The following VSNL1 variants were observed in gnomAD, a reference collection of about 807,000 sequenced individuals.
VSNL1 encodes the protein visinin-like protein 1.
A neutral mutation model predicts 20.4 loss-of-function variants in VSNL1; 6 were observed. The observed-to-expected ratio is 0.29, with a 90% CI of 0.16 to 0.58. VSNL1 has a LOEUF of 0.58. Ranked by LOEUF, VSNL1 falls within the 20% of genes least tolerant of loss-of-function variation. VSNL1 has a pLI of 0.90. For missense variants in VSNL1, 100 were observed against 234.5 expected (o/e 0.43, Z 3.75); for synonymous variants, 93 against 86.4 (o/e 1.08, Z -0.42).
In VSNL1 at chr2:17,655,106, G is replaced by A. The variant is rs1219279911; in HGVS notation, c.379-91G>A. On this transcript the variant is annotated intron_variant, in intron 3 of 3. Coordinates refer to ENST00000295156, the MANE Select transcript of VSNL1 (RefSeq NM_003385.5). The surrounding 1 kb of genome is among the most constrained non-coding windows in gnomAD (Gnocchi z 5.2). The stretch of plus-strand genomic sequence containing the variant: ...AGGGAAGCTGAGGCTTGGAGGATGG[G>A]TGGGATCCCGTCAGGTGAAAGGGAG... The A allele has an allele frequency of 3.0e-6, 4 of 1,326,300 alleles. No individual in the cohort carries two copies. Among genetic ancestry groups the A allele is most frequent in the Non-Finnish European group, 3.2e-6 (3 of 945,876 alleles). 82.2% of individuals were successfully genotyped at this position (1,326,300 alleles called of 1,614,324 possible).
intron 1 of VSNL1, among the ~76,000 whole-genome samples, chr2:17,542,687 T>C (rs555898334): frequency 6.6e-6 from 1 of 152,302 alleles, no homozygotes; most frequent in South Asian, 2.1e-4. Context: ...CTGTCATCAT[T>C]GAGCATTGGC....
At chr2:17,547,301 T>C (rs1285244268) in intron 1 of VSNL1, among the ~76,000 whole-genome samples, 1 of 152,108 alleles carries the variant, frequency 6.6e-6, no homozygotes, top group Non-Finnish European at 1.5e-5. Context: ...TAATGGCTTA[T>C]TATTGAAAAT....
intron 2 of VSNL1, among the ~76,000 whole-genome samples, chr2:17,636,284 A>C (rs1665745806): frequency 1.3e-5 from 2 of 151,936 alleles, no homozygotes; most frequent in Non-Finnish European, 2.9e-5. Context: ...CTCTGGCCAC[A>C]CTCACTGGCC....
At chr2:17,588,912 T>C (rs776324101) in intron 1 of VSNL1, among the ~76,000 whole-genome samples, 2 of 152,214 alleles carry the variant, frequency 1.3e-5, no homozygotes, top group Non-Finnish European at 2.9e-5. Flanking sequence ...CAAGAAATAT[T>C]ATTTGAGCAC....
intron 1 of VSNL1, among the ~76,000 whole-genome samples, chr2:17,570,789 G>A (rs1195989376): frequency 2.0e-5 from 3 of 152,188 alleles, no homozygotes; most frequent in Admixed American, 6.5e-5. Context: ...GCTCACACCT[G>A]TAATCCCAGC....
chr2:17,567,764 T>G (rs977062812), intron 1 of VSNL1: 4 of 152,188 alleles, frequency 2.6e-5, no homozygotes, highest in African/African-American at 9.7e-5. Flanking sequence ...AGTTTTCTTT[T>G]TCTTTTTAAA....
At chr2:17,647,792 A>G (rs904934926) in intron 2 of VSNL1, among the ~76,000 whole-genome samples, 1 of 152,170 alleles carries the variant, frequency 6.6e-6, no homozygotes, top group African/African-American at 2.4e-5. Context: ...AAGTCCCCCC[A>G]TTAACTGTGC....
intron 1 of VSNL1, among the ~76,000 whole-genome samples, chr2:17,542,478 G>T (rs1039757690): frequency 1.1e-4 from 16 of 152,028 alleles, no homozygotes; most frequent in African/African-American, 3.9e-4. Flanking sequence ...AGGGCTCTTT[G>T]GCCCTTTGAT....
At position 17,563,994 on chromosome 2, in the gene VSNL1, T is replaced by A. The variant is rs1442751282; in HGVS notation, c.-6+23076T>A. On this transcript the variant is annotated intron_variant, in intron 1 of 3. Coordinates refer to ENST00000295156, the MANE Select transcript of VSNL1 (RefSeq NM_003385.5). Reference sequence around the variant, plus strand: ...TTCCTTTAATTACATGAAGGTTTTTTCAGAGTCACACCTTTCTTTGTCTCT... The same window carrying A: ...TTCCTTTAATTACATGAAGGTTTTTACAGAGTCACACCTTTCTTTGTCTCT... 2.6e-5 allele frequency among the ~76,000 whole-genome samples: 4 copies of A among 152,200 alleles called. No individual in the cohort carries two copies. The East Asian group carries it at 7.7e-4, about 29-fold the overall frequency.
intron 2 of VSNL1, among the ~76,000 whole-genome samples, chr2:17,602,192 G>T (rs1005757154): frequency 6.6e-6 from 1 of 152,206 alleles, no homozygotes; most frequent in Non-Finnish European, 1.5e-5. Flanking sequence ...CCTGCGGGAA[G>T]AAGGCTTTCT....
intron 1 of VSNL1, among the ~76,000 whole-genome samples, chr2:17,576,902 G>A (rs1664227828): frequency 6.6e-6 from 1 of 151,994 alleles, no homozygotes; most frequent in African/African-American, 2.4e-5. Flanking sequence ...CTTAATAACT[G>A]GTATTTGCTT....
chr2:17,583,754 A>G (rs936946421), intron 1 of VSNL1, among the ~76,000 whole-genome samples: 7 of 152,144 alleles, frequency 4.6e-5, no homozygotes, highest in Admixed American at 6.5e-5. Context: ...CTTTTATGTA[A>G]AGGAAGGAGA....
rs1558314361 is a variant in VSNL1 at position 17,655,454 on chromosome 2, T to TACACACACACACAC, written c.*60_*61insACACACACACACAC. 1.3e-6 allele frequency: 1 copy of TACACACACACACAC among 765,038 alleles called. No homozygotes were observed. The highest frequency in any genetic ancestry group is 2.4e-5 in the African/African-American group (1 of 41,152). 47.4% of individuals were successfully genotyped at this position (765,038 alleles called of 1,614,324 possible). Reference sequence around the variant, plus strand: ...CAATGTTCCATTCAGTCTGCAGCTATTCACACACACACACACACACACACA... The same window carrying TACACACACACACAC: ...CAATGTTCCATTCAGTCTGCAGCTATACACACACACACACTCACACACACACACACACACACACA... On this transcript the variant is annotated 3_prime_UTR_variant, in exon 4 of 4. Coordinates refer to ENST00000295156, the MANE Select transcript of VSNL1 (RefSeq NM_003385.5). This position sits in a 1 kb window ranked among gnomAD's most constrained non-coding sequence, Gnocchi z 5.2.
chr2:17,649,730 T>A lies in VSNL1; in HGVS notation c.378+105T>A. The A allele has an allele frequency of 9.3e-7, 1 of 1,071,910 alleles. No individual in the cohort carries two copies. The highest frequency in any genetic ancestry group is 1.4e-6 in the Non-Finnish European group (1 of 727,588). The allele number at this position is 1,071,910 out of a possible 1,614,324, so 66.4% of individuals were successfully genotyped here. A position where few individuals can be genotyped will look rare whatever the true frequency, so the allele number is the denominator to read the frequency against. ...GCTTCTTCTCTCTCTGCTCGAGCCC[T>A]GCCAGCTGCACACCACGCCTGGACT... On this transcript the variant is annotated intron_variant, in intron 3 of 3. Coordinates refer to ENST00000295156, the MANE Select transcript of VSNL1 (RefSeq NM_003385.5). The surrounding 1 kb of genome is among the most constrained non-coding windows in gnomAD (Gnocchi z 6.4).
At chr2:17,618,983 CG>C (rs1665284585) in intron 2 of VSNL1, among the ~76,000 whole-genome samples, 1 of 151,976 alleles carries the variant, frequency 6.6e-6, no homozygotes, top group Non-Finnish European at 1.5e-5. Flanking sequence ...GTGGTGGGGT[CG>C]GGGTTGGGAA....
intron 1 of VSNL1, among the ~76,000 whole-genome samples, chr2:17,544,614 A>AG (rs1663367252): frequency 6.6e-6 from 1 of 152,222 alleles, no homozygotes; most frequent in East Asian, 1.9e-4. Context: ...GTTTCACAGA[A>AG]TAACAGTTCA....
chr2:17,544,242 TG>T lies in VSNL1; in HGVS notation c.-6+3326del, dbSNP rs768153228. Among the ~76,000 whole-genome samples the T allele has an allele frequency of 7.2e-5, 11 of 152,328 alleles. No individual in the cohort carries two copies. In the East Asian group the frequency reaches 1.7e-3, roughly 24 times the overall value. On this transcript the variant is annotated intron_variant, in intron 1 of 3. Coordinates refer to ENST00000295156, the MANE Select transcript of VSNL1 (RefSeq NM_003385.5). ...CAATTTAATTTAACCCCTCCTCTGTTGGTAAATCTTTACAGAATTGGGATGA... is the reference window on the plus strand; with the variant it reads ...CAATTTAATTTAACCCCTCCTCTGTTGTAAATCTTTACAGAATTGGGATGA...
At chr2:17,623,408 G>A (rs182784057) in intron 2 of VSNL1, among the ~76,000 whole-genome samples, 8 of 151,702 alleles carry the variant, frequency 5.3e-5, no homozygotes, top group Admixed American at 3.3e-4. Flanking sequence ...GGTGGCTCAC[G>A]TCTGTAATCC....
At chr2:17,583,141 T>C (rs1457104060) in intron 1 of VSNL1, among the ~76,000 whole-genome samples, 1 of 152,120 alleles carries the variant, frequency 6.6e-6, no homozygotes, top group African/African-American at 2.4e-5. Context: ...GATGAGTGAG[T>C]TGGAACTTGT....
Sources: gnomAD v4.1 joint callset for allele counts (sites outside exome capture counted in the v4.1 genomes callset) on GRCh38, gnomAD v4.1.1 for gene constraint, Gnocchi (gnomAD v3.1) non-coding constraint, MANE v1.5 for transcripts, NCBI Gene and HGNC (gene_info 2026-07-23, HGNC 2026-07-21) for gene names.